Variants in SACS observed in about 807,000 individuals in gnomAD.
SACS encodes sacsin.
Under a neutral mutation model 348.0 loss-of-function variants are expected in SACS, and 197 were observed. That is an observed-to-expected ratio of 0.57 (90% CI 0.50 to 0.64). The LOEUF (loss-of-function observed/expected upper bound fraction) is 0.64. Ranked by LOEUF, SACS falls within the 30% of genes least tolerant of loss-of-function variation. The pLI, the probability that SACS is intolerant of heterozygous loss-of-function variation, is 0.00. For synonymous variants in SACS, 1,985 were observed against 1,910.6 expected (o/e 1.04, Z -1.02); for missense variants, 4,999 against 5,360.8 (o/e 0.93, Z 2.11).
At chr13:23,346,263 G>C (rs944945061) in intron 9 of SACS, among the ~76,000 whole-genome samples, 5 of 152,134 alleles carry the variant, frequency 3.3e-5, no homozygotes, top group African/African-American at 1.2e-4. Flanking sequence ...TTCTGCCTCA[G>C]CCTCCCAAGT....
chr13:23,390,639 G>A (rs1872496705), intron 2 of SACS, among the ~76,000 whole-genome samples: 1 of 152,178 alleles, frequency 6.6e-6, no homozygotes, highest in East Asian at 1.9e-4. Flanking sequence ...TCCAGCCTGG[G>A]TGACAGAGTG....
intron 2 of SACS, among the ~76,000 whole-genome samples, chr13:23,395,517 C>A (rs1184343464): frequency 6.6e-6 from 1 of 152,140 alleles, no homozygotes; most frequent in Non-Finnish European, 1.5e-5. Flanking sequence ...GTCTTTGAAA[C>A]CCCTACTTCT....
chr13:23,349,851 G>T (rs1869842211), intron 9 of SACS, among the ~76,000 whole-genome samples: 1 of 152,126 alleles, frequency 6.6e-6, no homozygotes, highest in Non-Finnish European at 1.5e-5. Context: ...CCAGATCTGG[G>T]TAACTACAAA....
intron 2 of SACS, among the ~76,000 whole-genome samples, chr13:23,401,891 T>G (rs77563751): frequency 0.013 from 1,958 of 151,984 alleles, 84 homozygotes; most frequent in East Asian, 0.092. Flanking sequence ...AGACTAAGAG[T>G]TTCCAGAGGC....
chr13:23,338,816 G>A lies in SACS; in HGVS notation c.5060C>T (p.Thr1687Ile), dbSNP rs776656956. 1.9e-5 allele frequency: 30 copies of A among 1,613,022 alleles called. No homozygotes were observed. Among genetic ancestry groups the A allele is most frequent in the Non-Finnish European group, 2.5e-5 (30 of 1,179,950 alleles). ...CAAATACATTGACTTTACACTCTGA[G>A]TGAAAATGATAAGCCTGTGTCCACA... ...SLCGHRLIIF[T>I]QSVKSMYLKY... The change falls in exon 10 of 10, where the codon ACT becomes ATT. Residue 1687 changes from threonine (T) to isoleucine (I), a missense_variant. Thr to Ile is a moderately conservative substitution (Grantham distance 89). This residue lies in a region of SACS where 3,156 missense variants were observed against 3,380.1 expected (regional missense o/e 0.93). Transcript: ENST00000382292.
chr13:23,421,605 C>T (rs1457164577), intron 1 of SACS, among the ~76,000 whole-genome samples: 2 of 152,112 alleles, frequency 1.3e-5, no homozygotes, highest in South Asian at 2.1e-4. Flanking sequence ...ACATTGTGTC[C>T]TGCTGTGGCA....
intron 6 of SACS, among the ~76,000 whole-genome samples, chr13:23,364,489 C>A (rs1870941300): frequency 6.6e-6 from 1 of 152,176 alleles, no homozygotes; most frequent in South Asian, 2.1e-4. Context: ...CCACGTTCGC[C>A]AGGCTGGTCC....
intron 9 of SACS, among the ~76,000 whole-genome samples, chr13:23,349,734 C>A (rs563013077): frequency 5.1e-4 from 77 of 152,122 alleles, no homozygotes; most frequent in African/African-American, 1.8e-3. Context: ...TGAGATATAC[C>A]CTTAGAAGGA....
At position 23,329,886 on chromosome 13, in the gene SACS, G is replaced by A. The variant is rs925975923; in HGVS notation, c.*250C>T. On this transcript the variant is annotated 3_prime_UTR_variant, in exon 10 of 10. Coordinates refer to ENST00000382292, the MANE Select transcript of SACS (RefSeq NM_014363.6). The stretch of plus-strand genomic sequence containing the variant: ...GTTATATAAAGTGCAGTTCAATGAT[G>A]TATCATCCCAATCATTCAAATCCAT... The A allele has an allele frequency of 1.8e-6, 1 of 545,824 alleles. No individual in the cohort carries two copies. Among genetic ancestry groups the A allele is most frequent in the Non-Finnish European group, 3.3e-6 (1 of 305,478 alleles). The allele number at this position is 545,824 out of a possible 1,614,324, so 33.8% of individuals were successfully genotyped here. A position where few individuals can be genotyped will look rare whatever the true frequency, so the allele number is the denominator to read the frequency against.
chr13:23,334,395 T>C lies in SACS; in HGVS notation c.9481A>G (p.Ser3161Gly). The C allele has an allele frequency of 6.2e-7, 1 of 1,613,344 alleles. No homozygotes were observed. Among genetic ancestry groups the C allele is most frequent in the South Asian group, 1.1e-5 (1 of 91,014 alleles). ...EGLPLLITLD[S>G]VLQTFDAKRP... Reference sequence around the variant, plus strand: ...TTTGCATCAAAAGTTTGCAAAACACTGTCCAGTGTGATGAGAAGGGGCAAT... The same window carrying C: ...TTTGCATCAAAAGTTTGCAAAACACCGTCCAGTGTGATGAGAAGGGGCAAT... The change falls in exon 10 of 10, where the codon AGT (serine) becomes GGT (glycine). Residue 3161 changes from serine (S) to glycine (G), a missense_variant. Ser to Gly is a moderately conservative substitution (Grantham distance 56). Coordinates refer to ENST00000382292, the MANE Select transcript of SACS (RefSeq NM_014363.6).
rs369042533 is a variant in SACS, at chr13:23,338,509, T to C, written c.5367A>G (p.Pro1789=). Reference sequence around the variant, plus strand: ...ACTTAGCCATTTCAAAGAGAGCAGCTGGGTCATCATCTGGACCTCTAAAAA... The same window carrying C: ...ACTTAGCCATTTCAAAGAGAGCAGCCGGGTCATCATCTGGACCTCTAAAAA... ...SPLFRGPDDD[P]AALFEMAKSG... The change falls in exon 10 of 10, where the codon CCA becomes CCG. Residue 1789 remains proline (P), a synonymous_variant. Coordinates refer to ENST00000382292, the MANE Select transcript of SACS (RefSeq NM_014363.6). 6.2e-7 allele frequency: 1 copy of C among 1,614,092 alleles called. No homozygotes were observed. Among genetic ancestry groups the C allele is most frequent in the African/African-American group, 1.3e-5 (1 of 74,948 alleles).
chr13:23,349,092 C>G (rs916996586), intron 9 of SACS, among the ~76,000 whole-genome samples: 5 of 152,226 alleles, frequency 3.3e-5, no homozygotes, highest in Non-Finnish European at 7.3e-5. Flanking sequence ...CTGATAGATT[C>G]AATGTCCACT....
In SACS at chr13:23,394,266, A is replaced by G. The variant is rs372113381; in HGVS notation, c.20+16954T>C. Among the ~76,000 whole-genome samples, 14 of 152,278 alleles carry G rather than the reference A, an allele frequency of 9.2e-5. No individual in the cohort carries two copies. In the East Asian group the frequency reaches 1.7e-3, roughly 19 times the overall value. On this transcript the variant is annotated intron_variant, in intron 2 of 9. Coordinates refer to ENST00000382292, the MANE Select transcript of SACS (RefSeq NM_014363.6). ...TTTGGCCTACCTATTCAGTTGTAGC[A>G]AGAATGCTGCTAAGTCAGTTTAGCA...
intron 2 of SACS, chr13:23,375,593 C>A: frequency 9.9e-7 from 1 of 1,014,108 alleles, no homozygotes; most frequent in Non-Finnish European, 1.2e-6. Flanking sequence ...CCTGCAGGCG[C>A]CGCCCGCGGG....
chr13:23,331,428 T>C lies in SACS; in HGVS notation c.12448A>G (p.Lys4150Glu). The part of the protein sequence containing the change: ...GVKYDSSEPS[K>E]LELPMPGTPI... Reference sequence around the variant, plus strand: ...GTGCCAGGCATTGGAAGTTCCAGTTTTGATGGCTCCGAAGAGTCATATTTC... The same window carrying C: ...GTGCCAGGCATTGGAAGTTCCAGTTCTGATGGCTCCGAAGAGTCATATTTC... The change falls in exon 10 of 10, where the codon AAA becomes GAA. Residue 4150 changes from lysine (K) to glutamate (E), a missense_variant. By Grantham distance (56) the Lys-to-Glu change is moderately conservative. Transcript: ENST00000382292. 2 of 1,614,062 alleles carry C rather than the reference T, an allele frequency of 1.2e-6. No individual in the cohort carries two copies. The highest frequency in any genetic ancestry group is 1.1e-5 in the South Asian group (1 of 91,080).
intron 2 of SACS, among the ~76,000 whole-genome samples, chr13:23,391,907 T>G (rs774271474): frequency 3.9e-5 from 6 of 152,172 alleles, no homozygotes; most frequent in Non-Finnish European, 7.4e-5. Flanking sequence ...CATGTGCACA[T>G]GGAACATGGA....
chr13:23,340,997 AGATCTG>A lies in SACS; in HGVS notation c.2873_2878del (p.Ala958_Leu960delinsVal). On this transcript the variant is annotated inframe_deletion, in exon 10 of 10. Transcript: ENST00000382292. ...GTCTATTACTGAAATAGAAAGTCGCAGATCTGCTGGGAGTTTGGCAGTATGGTGTAA... is the reference window on the plus strand; with the variant it reads ...GTCTATTACTGAAATAGAAAGTCGCACTGGGAGTTTGGCAGTATGGTGTAA... The A allele has an allele frequency of 6.2e-7, 1 of 1,614,166 alleles. No homozygotes were observed. Among genetic ancestry groups the A allele is most frequent in the Non-Finnish European group, 8.5e-7 (1 of 1,179,992 alleles).
rs1593129949 is a variant in SACS at position 23,338,383 on chromosome 13, C to T, written c.5493G>A (p.Lys1831=). 1 of 1,614,114 alleles carries T rather than the reference C, an allele frequency of 6.2e-7. No individual in the cohort carries two copies. Among genetic ancestry groups the T allele is most frequent in the Non-Finnish European group, 8.5e-7 (1 of 1,179,988 alleles). ...CTCMDTGEAL[K]FSLSESGRRL... is the part of the protein sequence containing the mutation. ...TTCTTCCACTCTCACTCAGGGAAAA[C>T]TTCAGAGCCTCTCCTGTGTCCATGC... Residue 1831 remains lysine, a synonymous_variant, in exon 10 of 10, where the codon AAG becomes AAA. Coordinates refer to ENST00000382292, the MANE Select transcript of SACS (RefSeq NM_014363.6).
In SACS at chr13:23,333,139, C is replaced by A. The variant is rs199970621; in HGVS notation, c.10737G>T (p.Met3579Ile). The change falls in exon 10 of 10, where the codon ATG (methionine) becomes ATT (isoleucine). Residue 3579 changes from methionine to isoleucine, a missense_variant. Around this residue, in one of 6 missense-constraint regions of SACS, gnomAD observed 831 missense variants for 941.8 expected, o/e 0.88. Coordinates refer to ENST00000382292, the MANE Select transcript of SACS (RefSeq NM_014363.6). ...LIKPKNHVTF[M>I]TSWVEFLRNI... ...TTCTTAAGAATTCCACCCAGGATGT[C>A]ATAAATGTAACATGATTTTTGGGTT... 1 of 1,612,916 alleles carries A rather than the reference C, an allele frequency of 6.2e-7. No homozygotes were observed. Among genetic ancestry groups the A allele is most frequent in the Non-Finnish European group, 8.5e-7 (1 of 1,179,478 alleles).
Sources: allele counts gnomAD v4.1 joint callset (sites outside exome capture counted in the v4.1 genomes callset), GRCh38; gene constraint gnomAD v4.1.1; regional missense constraint gnomAD v4.1.1; transcripts MANE v1.5; gene names NCBI Gene and HGNC (gene_info 2026-07-23, HGNC 2026-07-21).